SHISA6: variants seen among roughly 807,000 people sequenced by gnomAD.
SHISA6 encodes the protein protein shisa-6.
SHISA6 carries 22 observed loss-of-function variants against 47.9 expected under a neutral mutation model. The ratio of observed to expected loss-of-function variants is 0.46; its 90% CI spans 0.33 to 0.66. The LOEUF (loss-of-function observed/expected upper bound fraction) is 0.66. Among genes scored for constraint, SHISA6 ranks in the 30% least tolerant of loss-of-function variants. The pLI is 0.02. For synonymous variants in SHISA6, 388 were observed against 337.8 expected, an observed-to-expected ratio of 1.15 and a Z score of -1.63; for missense variants, 680 against 764.6, an observed-to-expected ratio of 0.89 and a Z score of 1.30.
chr17:11,465,987 G>A (rs575615460), intron 3 of SHISA6, among the ~76,000 whole-genome samples: 1 of 152,200 alleles, frequency 6.6e-6, no homozygotes, highest in Non-Finnish European at 1.5e-5. Flanking sequence ...CTTATAAAAC[G>A]GAGTTCTGGG....
In SHISA6 at chr17:11,539,841, G is replaced by C. The variant is rs141282708; in HGVS notation, c.896-12055G>C. On this transcript the variant is annotated intron_variant, in intron 3 of 5. Transcript: ENST00000441885. Reference sequence around the variant, plus strand: ...AGGCTGATATCCCTGACTGGGCACTGTGCCAAAGCCCAGGACTCATGAAGA... The same window carrying C: ...AGGCTGATATCCCTGACTGGGCACTCTGCCAAAGCCCAGGACTCATGAAGA... Among the ~76,000 whole-genome samples, 3 of 152,362 alleles carry C rather than the reference G, an allele frequency of 2.0e-5. No homozygotes were observed. In the East Asian group the frequency reaches 5.8e-4, roughly 29 times the overall value.
intron 3 of SHISA6, among the ~76,000 whole-genome samples, chr17:11,426,668 T>C (rs1020535869): frequency 1.3e-5 from 2 of 152,236 alleles, no homozygotes; most frequent in Non-Finnish European, 2.9e-5. Context: ...TTAATACGTC[T>C]AGATAAACAT....
intron 3 of SHISA6, among the ~76,000 whole-genome samples, chr17:11,443,098 G>T (rs1032062552): frequency 6.6e-6 from 1 of 152,206 alleles, no homozygotes; most frequent in East Asian, 1.9e-4. Context: ...TTTGAGTGGA[G>T]GTTGCATTTG....
chr17:11,334,669 A>T (rs576457389), intron 2 of SHISA6, among the ~76,000 whole-genome samples: 1 of 152,184 alleles, frequency 6.6e-6, no homozygotes, highest in Non-Finnish European at 1.5e-5. Flanking sequence ...TGATGCCAAC[A>T]TCACCTGTGA....
chr17:11,297,040 A>G (rs1359749948), intron 2 of SHISA6, among the ~76,000 whole-genome samples: 1 of 152,158 alleles, frequency 6.6e-6, no homozygotes, highest in Non-Finnish European at 1.5e-5. Context: ...GATGAAGCAA[A>G]GAGGTGGATG....
intron 2 of SHISA6, among the ~76,000 whole-genome samples, chr17:11,305,764 C>T (rs552822104): frequency 1.1e-4 from 16 of 152,278 alleles, no homozygotes; most frequent in African/African-American, 3.4e-4. Context: ...CAGGCCCACC[C>T]TGCCCCGAGC....
rs947407422 is a variant in SHISA6, at chr17:11,555,866, G to A, written c.1079G>A (p.Ser360Asn). 1.6e-5 allele frequency: 25 copies of A among 1,547,466 alleles called. 1 individual carries two copies. The highest frequency in any genetic ancestry group is 1.4e-4 in the South Asian group (12 of 83,416). ...SYESAVKTNP[S>N]KYSSLKRLTD... ...GAGTCTGCAGTAAAGACCAACCCCA[G>A]CAAGTATTCATCTCTGAAGAGGCTA... is the stretch of plus-strand genomic sequence containing the variant. The change falls in exon 5 of 6, where the codon AGC becomes AAC. Residue 360 changes from serine (S) to asparagine (N), a missense_variant. By Grantham distance (46) the Ser-to-Asn change is conservative. Around this residue, in one of 2 missense-constraint regions of SHISA6, gnomAD observed 559 missense variants for 674.1 expected, o/e 0.83. Transcript: ENST00000441885.
Position 11,241,795 on chromosome 17 carries a change from T to G in SHISA6, c.373T>G (p.Tyr125Asp). ...CTACCTGTACTGCTGCGGTACCTGC[T>G]ACTACCGCTTCTGCTGCAAGAAGCG... is the stretch of plus-strand genomic sequence containing the variant. ...SGYLYCCGTCYYRFCCKKRHE... is the reference protein window; with the variant it reads ...SGYLYCCGTCDYRFCCKKRHE... The change falls in exon 1 of 6, where the codon TAC (tyrosine) becomes GAC (aspartate). Residue 125 changes from tyrosine (Y) to aspartate (D), a missense_variant. Physicochemically the swap from Tyr to Asp is radical, Grantham distance 160. Coordinates refer to ENST00000441885, the MANE Select transcript of SHISA6 (RefSeq NM_207386.4). The surrounding 1 kb of genome is among the most constrained non-coding windows in gnomAD (Gnocchi z 5.5). The G allele has an allele frequency of 1.3e-6, 2 of 1,550,304 alleles. No individual in the cohort carries two copies. Among genetic ancestry groups the G allele is most frequent in the Non-Finnish European group, 1.7e-6 (2 of 1,146,974 alleles).
intron 3 of SHISA6, among the ~76,000 whole-genome samples, chr17:11,532,829 C>T (rs1356776450): frequency 2.8e-5 from 4 of 140,958 alleles, no homozygotes; most frequent in African/African-American, 1.0e-4. Context: ...ACACAGTGAT[C>T]TCCAGGGTCT....
At chr17:11,272,481 C>A (rs1321705417) in intron 2 of SHISA6, among the ~76,000 whole-genome samples, 1 of 152,134 alleles carries the variant, frequency 6.6e-6, no homozygotes, top group Non-Finnish European at 1.5e-5. Flanking sequence ...TTTGGAACCC[C>A]GCTCTGCCTT....
At chr17:11,303,242 AGTG>A (rs1909988117) in intron 2 of SHISA6, among the ~76,000 whole-genome samples, 7 of 150,752 alleles carry the variant, frequency 4.6e-5, no homozygotes, top group Admixed American at 1.3e-4. Context: ...TGTGATTGTG[AGTG>A]TGGTTGTGTG....
At chr17:11,280,650 C>A (rs1909086249) in intron 2 of SHISA6, among the ~76,000 whole-genome samples, 1 of 152,130 alleles carries the variant, frequency 6.6e-6, no homozygotes, top group South Asian at 2.1e-4. Flanking sequence ...TTGACTATGA[C>A]CTTTAAGGGT....
intron 3 of SHISA6, among the ~76,000 whole-genome samples, chr17:11,401,689 C>T (rs891202240): frequency 1.3e-5 from 2 of 152,168 alleles, no homozygotes; most frequent in African/African-American, 2.4e-5. Flanking sequence ...ATTTTTCTCA[C>T]ACTAAGTTTA....
chr17:11,499,584 A>G (rs1173448563), intron 3 of SHISA6, among the ~76,000 whole-genome samples: 2 of 151,364 alleles, frequency 1.3e-5, no homozygotes, highest in African/African-American at 4.9e-5. Context: ...ATGTACACTC[A>G]CTCATTCAGA....
chr17:11,317,514 A>G (rs1437877375), intron 2 of SHISA6, among the ~76,000 whole-genome samples: 1 of 151,924 alleles, frequency 6.6e-6, no homozygotes, highest in East Asian at 1.9e-4. Flanking sequence ...AAATACACAT[A>G]TGTATATTTG....
chr17:11,499,362 A>G (rs545008414), intron 3 of SHISA6, among the ~76,000 whole-genome samples: 1 of 152,226 alleles, frequency 6.6e-6, no homozygotes, highest in African/African-American at 2.4e-5. Context: ...CCCTTTCAGG[A>G]CGTTTTATCC....
At chr17:11,271,102 G>A (rs541334264) in intron 2 of SHISA6, among the ~76,000 whole-genome samples, 3 of 152,074 alleles carry the variant, frequency 2.0e-5, no homozygotes, top group Non-Finnish European at 4.4e-5. Context: ...GAGAAGAGGC[G>A]GGAAGGGTGT....
At chr17:11,303,207 G>C (rs1479911280) in intron 2 of SHISA6, among the ~76,000 whole-genome samples, 2 of 151,290 alleles carry the variant, frequency 1.3e-5, no homozygotes, top group Non-Finnish European at 3.0e-5. Flanking sequence ...GTGTGGTTTT[G>C]TGTGTGTGTG....
At chr17:11,372,069 TTTG>T (rs1280636357) in intron 2 of SHISA6, among the ~76,000 whole-genome samples, 3 of 152,200 alleles carry the variant, frequency 2.0e-5, no homozygotes, top group Non-Finnish European at 4.4e-5. Context: ...GTCTTGCTTT[TTTG>T]TTGTTGTTTT....
Sources: allele counts gnomAD v4.1 joint callset (sites outside exome capture counted in the v4.1 genomes callset), GRCh38; gene constraint gnomAD v4.1.1; regional missense constraint gnomAD v4.1.1; non-coding constraint Gnocchi (gnomAD v3.1); transcripts MANE v1.5; gene names NCBI Gene and HGNC (gene_info 2026-07-23, HGNC 2026-07-21).